The following ZNF148 variants were observed in gnomAD, a reference collection of about 807,000 sequenced individuals.
ZNF148 encodes Beta-Enolase Repressor Factor-1.
A neutral mutation model predicts 67.7 loss-of-function variants in ZNF148; 7 were observed. The ratio of observed to expected loss-of-function variants is 0.10; its 90% CI spans 0.06 to 0.19. The LOEUF is 0.19. Among genes scored for constraint, ZNF148 ranks in the 10% least tolerant of loss-of-function variants. The pLI, the probability that ZNF148 is intolerant of heterozygous loss-of-function variation, is 1.00. For missense variants in ZNF148, 583 were observed against 947.1 expected (o/e 0.62, Z 5.05); for synonymous variants, 333 against 330.7 (o/e 1.01, Z -0.08).
At chr3:125,371,386 G>A (rs1256399627) in intron 1 of ZNF148, among the ~76,000 whole-genome samples, 2 of 104,182 alleles carry the variant, frequency 1.9e-5, no homozygotes, top group East Asian at 3.3e-4. Context: ...GGGGGGGGGG[G>A]CAGGGCGAAG....
chr3:125,336,839 G>A (rs1430670635), intron 1 of ZNF148, among the ~76,000 whole-genome samples: 5 of 151,594 alleles, frequency 3.3e-5, no homozygotes, highest in African/African-American at 1.2e-4. Context: ...TCCATGCTCA[G>A]CTAATTTTTT....
intron 7 of ZNF148, among the ~76,000 whole-genome samples, chr3:125,272,638 T>C (rs1213101392): frequency 2.2e-4 from 2 of 9,206 alleles, no homozygotes; most frequent in East Asian, 1.5e-3. Context: ...TTTATATATT[T>C]AATTACACCA....
At chr3:125,254,511 T>C (rs1297229581) in intron 7 of ZNF148, among the ~76,000 whole-genome samples, 1 of 152,206 alleles carries the variant, frequency 6.6e-6, no homozygotes, top group Non-Finnish European at 1.5e-5. Context: ...GTCTACTTCA[T>C]TTTGTTCTGT....
intron 7 of ZNF148, among the ~76,000 whole-genome samples, chr3:125,273,555 G>A (rs187189902): frequency 6.8e-6 from 1 of 146,932 alleles, no homozygotes; most frequent in East Asian, 2.0e-4. Context: ...GAGTGCAATG[G>A]CATGCTCTGC....
At position 125,323,323 on chromosome 3, in the gene ZNF148, A is replaced by G. The variant is rs1940865874; in HGVS notation, c.-31T>C. The G allele has an allele frequency of 1.5e-6, 1 of 649,992 alleles. No individual in the cohort carries two copies. The highest frequency in any genetic ancestry group is 1.8e-5 in the African/African-American group (1 of 54,786). The allele number at this position is 649,992 out of a possible 1,614,324, so 40.3% of individuals were successfully genotyped here. ...ATTAAAATTACCCGAGACTAAGGTA[A>G]AAACGAAGACTTCAAGGAAAGGAAT... On this transcript the variant is annotated 5_prime_UTR_variant, in exon 3 of 9. Coordinates refer to ENST00000360647, the MANE Select transcript of ZNF148 (RefSeq NM_021964.3).
intron 4 of ZNF148, among the ~76,000 whole-genome samples, chr3:125,301,065 C>A (rs1472039145): frequency 6.6e-6 from 1 of 152,082 alleles, no homozygotes; most frequent in African/African-American, 2.4e-5. Flanking sequence ...TTTATGCTAT[C>A]CAATACAGAA....
At chr3:125,318,901 C>T (rs1028566630) in intron 3 of ZNF148, among the ~76,000 whole-genome samples, 10 of 152,100 alleles carry the variant, frequency 6.6e-5, no homozygotes, top group Admixed American at 2.0e-4. Flanking sequence ...TTATTCTTCC[C>T]TCATCACCAT....
intron 1 of ZNF148, among the ~76,000 whole-genome samples, chr3:125,364,295 C>T (rs183297424): frequency 1.3e-5 from 2 of 152,036 alleles, no homozygotes; most frequent in East Asian, 1.9e-4. Flanking sequence ...GCTACTAGGG[C>T]GGCTAAGGTA....
At position 125,368,901 on chromosome 3, in the gene ZNF148, C is replaced by T. The variant is rs558516212; in HGVS notation, c.-234+6201G>A. Among the ~76,000 whole-genome samples the T allele has an allele frequency of 4.6e-5, 7 of 151,268 alleles. No individual in the cohort carries two copies. The East Asian group carries it at 1.2e-3, about 25-fold the overall frequency. On this transcript the variant is annotated intron_variant, in intron 1 of 8. Transcript: ENST00000360647. ...CAGAGGTTGCAGTGAGCCAAGATGG[C>T]GCCACTGCACTCCAGCCTGGGTGAC...
chr3:125,352,662 TA>T (rs34630272), intron 1 of ZNF148, among the ~76,000 whole-genome samples: 101,193 of 138,010 alleles, frequency 0.73, 36,990 homozygotes, highest in African/African-American at 0.8. Context: ...ACCTCTATCT[TA>T]AAAAAAAAAA....
At chr3:125,304,996 TTC>T (rs1294254898) in intron 4 of ZNF148, among the ~76,000 whole-genome samples, 2 of 152,234 alleles carry the variant, frequency 1.3e-5, no homozygotes, top group African/African-American at 4.8e-5. Flanking sequence ...TTGAAAAGGC[TTC>T]TGTTAGCCAA....
chr3:125,327,462 GGACAGGCCACA>G (rs1279236366), intron 2 of ZNF148, among the ~76,000 whole-genome samples: 1 of 152,132 alleles, frequency 6.6e-6, no homozygotes, highest in African/African-American at 2.4e-5. Context: ...ACATTCTCTA[GGACAGGCCACA>G]CGCGGGGCCA....
At chr3:125,303,709 T>C (rs765690477) in intron 4 of ZNF148, among the ~76,000 whole-genome samples, 5 of 151,800 alleles carry the variant, frequency 3.3e-5, no homozygotes, top group Non-Finnish European at 7.4e-5. Flanking sequence ...TACTTCATTA[T>C]ATATTATAAT....
chr3:125,274,065 T>C (rs994172111), intron 7 of ZNF148, among the ~76,000 whole-genome samples: 1 of 152,228 alleles, frequency 6.6e-6, no homozygotes, highest in Non-Finnish European at 1.5e-5. Context: ...AACACAACTA[T>C]GGATATATGC....
chr3:125,274,316 G>A (rs1190394086), intron 7 of ZNF148, among the ~76,000 whole-genome samples: 1 of 151,944 alleles, frequency 6.6e-6, no homozygotes, highest in East Asian at 1.9e-4. Context: ...CTAAATAAAG[G>A]ATCTGTAATA....
intron 7 of ZNF148, among the ~76,000 whole-genome samples, chr3:125,263,226 G>A (rs71325823): frequency 0.026 from 3,927 of 152,264 alleles, 106 homozygotes; most frequent in South Asian, 0.083. Context: ...GACTTCTTGA[G>A]TAAATAACAG....
chr3:125,265,753 C>T (rs1219304569), intron 7 of ZNF148, among the ~76,000 whole-genome samples: 2 of 152,116 alleles, frequency 1.3e-5, no homozygotes, highest in Admixed American at 6.5e-5. Flanking sequence ...TAGAGTTCCT[C>T]CATTATGTAA....
intron 4 of ZNF148, among the ~76,000 whole-genome samples, chr3:125,308,104 T>C (rs898945850): frequency 6.6e-6 from 1 of 151,986 alleles, no homozygotes; most frequent in Non-Finnish European, 1.5e-5. Flanking sequence ...GAGATACAGA[T>C]TGGAAAGTAA....
At chr3:125,353,290 A>C in intron 1 of ZNF148, among the ~76,000 whole-genome samples, 1 of 152,114 alleles carries the variant, frequency 6.6e-6, no homozygotes, top group East Asian at 1.9e-4. Context: ...GGAGTGTTGG[A>C]ATGGGGTGGG....
Sources: gnomAD v4.1 joint callset for allele counts (sites outside exome capture counted in the v4.1 genomes callset) on GRCh38, gnomAD v4.1.1 for gene constraint, MANE v1.5 for transcripts, NCBI Gene and HGNC (gene_info 2026-07-23, HGNC 2026-07-21) for gene names.